Variants in DOT1L observed in about 807,000 individuals in gnomAD.
The protein encoded by DOT1L is DOT1 like histone lysine methyltransferase, also known as histone-lysine N-methyltransferase, H3 lysine-79 specific.
Under a neutral mutation model 153.3 loss-of-function variants are expected in DOT1L, and 33 were observed. The ratio of observed to expected loss-of-function variants is 0.22; its 90% CI spans 0.16 to 0.29. The LOEUF (loss-of-function observed/expected upper bound fraction) is 0.29, where lower values mean the gene tolerates loss of function less well. DOT1L is among the 10% of genes least tolerant of loss of function. The pLI is 1.00. For missense variants in DOT1L, 1,847 were observed against 2,119.9 expected (o/e 0.87, Z 2.53); for synonymous variants, 1,135 against 965.1 (o/e 1.18, Z -3.26).
rs557721171 is a variant in DOT1L, at chr19:2,176,091, C to T, written c.82-4622C>T. On this transcript the variant is annotated intron_variant, in intron 1 of 27. Transcript: ENST00000398665. ...CGCCTCTTGGCCGAGGCTGCTTTTA[C>T]TAGACATCCACTCTCAGTTGGGGGT... Among the ~76,000 whole-genome samples the T allele has an allele frequency of 2.0e-3, 300 of 152,318 alleles. 1 individual carries two copies. Among genetic ancestry groups the T allele is most frequent in the Non-Finnish European group, 3.7e-3 (252 of 68,028 alleles).
In DOT1L at chr19:2,187,779, G is replaced by A. The variant is rs186216076; in HGVS notation, c.200+1850G>A. Among the ~76,000 whole-genome samples, 59 of 152,250 alleles carry A rather than the reference G, an allele frequency of 3.9e-4. No individual in the cohort carries two copies. In the East Asian group the frequency reaches 7.5e-3, roughly 19 times the overall value. On this transcript the variant is annotated intron_variant, in intron 3 of 27. Transcript: ENST00000398665. ...CTACTAAAAATACAAAAAATTAGCC[G>A]GGCGTGGTGGCGGGTGCCTGTAGTC...
chr19:2,181,741 C>T (rs983246993), intron 2 of DOT1L, among the ~76,000 whole-genome samples: 4 of 151,996 alleles, frequency 2.6e-5, no homozygotes, highest in African/African-American at 9.7e-5. Context: ...GCAGCTGGAC[C>T]CCAGCCCAGC....
intron 2 of DOT1L, 101 bp from the exon 3 acceptor site, chr19:2,185,754 G>T: frequency 7.8e-7 from 1 of 1,275,196 alleles, no homozygotes; most frequent in African/African-American, 1.5e-5. Context: ...GGGCAACAGA[G>T]TGAGACTCCG....
At position 2,231,522 on chromosome 19, in the gene DOT1L, C is replaced by T. The variant is rs547287893; in HGVS notation, c.*1730C>T. ...CCCCCAACAACCTCTCAGACCCCCA[C>T]CCTCCAACATAGCTGAGTTCTGAAG... On this transcript the variant is annotated 3_prime_UTR_variant, in exon 28 of 28. Transcript: ENST00000398665. The T allele has an allele frequency of 1.5e-5, 3 of 201,222 alleles. No individual in the cohort carries two copies. Among genetic ancestry groups the T allele is most frequent in the Admixed American group, 6.0e-5 (1 of 16,584 alleles). 12.5% of individuals were successfully genotyped at this position (201,222 alleles called of 1,614,324 possible).
Position 2,226,746 on chromosome 19 carries a change from A to G in DOT1L, c.4225A>G (p.Lys1409Glu). 1.3e-6 allele frequency: 2 copies of G among 1,556,674 alleles called. No homozygotes were observed. The highest frequency in any genetic ancestry group is 1.2e-5 in the South Asian group (1 of 83,178). The change falls in exon 27 of 28, where the codon AAG becomes GAG. Residue 1409 changes from lysine to glutamate, a missense_variant. By Grantham distance (56) the Lys-to-Glu change is moderately conservative (BLOSUM62 1). Transcript: ENST00000398665. ...GGACAAGACCCCACTGCTGAGCGGCAAGGCCGCCAAGGCCCGGGACCGCGA... is the reference window on the plus strand; with the variant it reads ...GGACAAGACCCCACTGCTGAGCGGCGAGGCCGCCAAGGCCCGGGACCGCGA... ...PTDKTPLLSG[K>E]AAKARDREVD...
Position 2,225,514 on chromosome 19 carries a change from G to C in DOT1L, c.3661+62G>C. 3 of 1,563,672 alleles carry C rather than the reference G, an allele frequency of 1.9e-6. No homozygotes were observed. In the East Asian group the frequency reaches 6.7e-5, roughly 35 times the overall value. ...TCCGTGTGGCCGTGGTGCCCAGTCA[G>C]TGCTGCTGACCCACCTGCTGGCCCG... On this transcript the variant is annotated intron_variant, in intron 26 of 27. Coordinates refer to ENST00000398665, the MANE Select transcript of DOT1L (RefSeq NM_032482.3).
intron 1 of DOT1L, 26 bp from the exon 2 acceptor site, chr19:2,180,687 G>A (rs371819117): frequency 1.6e-5 from 26 of 1,613,642 alleles, no homozygotes; most frequent in African/African-American, 5.3e-5. Context: ...ATGGCTCTGC[G>A]TCTCAAACTT....
chr19:2,182,318 G>A (rs1397753772), intron 2 of DOT1L, among the ~76,000 whole-genome samples: 1 of 152,142 alleles, frequency 6.6e-6, no homozygotes, highest in Non-Finnish European at 1.5e-5. Context: ...TGGGAGGGTT[G>A]ATCACTTGAA....
Position 2,193,814 on chromosome 19 carries a change from G to A in DOT1L, c.588+31G>A. 6.2e-7 allele frequency: 1 copy of A among 1,605,654 alleles called. No homozygotes were observed. The highest frequency in any genetic ancestry group is 1.1e-5 in the South Asian group (1 of 90,790). Reference sequence around the variant, plus strand: ...CGGATCTGAGGGCCAGGGTGTGTTGGAGGCAGGGGACCATCAGAGAAAGTG... The same window carrying A: ...CGGATCTGAGGGCCAGGGTGTGTTGAAGGCAGGGGACCATCAGAGAAAGTG... On this transcript the variant is annotated intron_variant, in intron 6 of 27. Coordinates refer to ENST00000398665, the MANE Select transcript of DOT1L (RefSeq NM_032482.3). This position sits in a 1 kb window ranked among gnomAD's most constrained non-coding sequence, Gnocchi z 5.9.
chr19:2,230,695 G>A lies in DOT1L; in HGVS notation c.*903G>A, dbSNP rs555421598. On this transcript the variant is annotated 3_prime_UTR_variant, in exon 28 of 28. Transcript: ENST00000398665. Reference sequence around the variant, plus strand: ...ATTTATAAATTTCATAGATTTGACAGCTTTTATTTTTAGATGGTATAATGC... The same window carrying A: ...ATTTATAAATTTCATAGATTTGACAACTTTTATTTTTAGATGGTATAATGC... 6 of 397,946 alleles carry A rather than the reference G, an allele frequency of 1.5e-5. No homozygotes were observed. The highest frequency in any genetic ancestry group is 3.6e-5 in the East Asian group (1 of 28,082). The allele number at this position is 397,946 out of a possible 1,614,324, so 24.7% of individuals were successfully genotyped here.
chr19:2,168,408 A>T (rs1263990295), intron 1 of DOT1L, among the ~76,000 whole-genome samples: 1 of 152,202 alleles, frequency 6.6e-6, no homozygotes, highest in African/African-American at 2.4e-5. Flanking sequence ...AGGGGCTGCC[A>T]CTTCTGCCCT....
chr19:2,228,028 C>T lies in DOT1L; in HGVS notation c.4606+901C>T, dbSNP rs756661641. The T allele has an allele frequency of 1.1e-5, 14 of 1,300,366 alleles. No homozygotes were observed. The Admixed American group carries it at 2.3e-4, about 21-fold the overall frequency. The allele number at this position is 1,300,366 out of a possible 1,614,324, so 80.6% of individuals were successfully genotyped here. ...AACGCCGCCTTGCCTCCTCCCCCAA[C>T]GCTGCTGGCCTCTAACCCTGAGCCC... On this transcript the variant is annotated intron_variant, in intron 27 of 27. Transcript: ENST00000398665.
In DOT1L at chr19:2,227,027, G is replaced by A. The variant is rs766496544; in HGVS notation, c.4506G>A (p.Pro1502=). Residue 1502 remains proline, a synonymous_variant, in exon 27 of 28, where the codon CCG becomes CCA. Coordinates refer to ENST00000398665, the MANE Select transcript of DOT1L (RefSeq NM_032482.3). ...SVLQSLFSSV[P]AAAGLVHVSS... is the part of the protein sequence containing the mutation. ...TGCAGTCGCTGTTCAGCTCTGTGCC[G>A]GCCGCCGCAGGCCTGGTGCACGTGT... 10 of 1,582,338 alleles carry A rather than the reference G, an allele frequency of 6.3e-6. No homozygotes were observed. The highest frequency in any genetic ancestry group is 2.3e-5 in the East Asian group (1 of 44,048).
At chr19:2,195,892 T>C (rs538768285) in intron 7 of DOT1L, among the ~76,000 whole-genome samples, 8 of 152,332 alleles carry the variant, frequency 5.3e-5, no homozygotes, top group Admixed American at 3.3e-4. Flanking sequence ...TTCAGAGGGA[T>C]GCATGAGGGA....
intron 1 of DOT1L, among the ~76,000 whole-genome samples, chr19:2,168,643 C>CT (rs1433704183): frequency 2.0e-5 from 3 of 152,178 alleles, no homozygotes; most frequent in Non-Finnish European, 4.4e-5. Context: ...GAGAGGGAAT[C>CT]TCGTACTGTT....
Position 2,229,991 on chromosome 19 carries a change from A to G in DOT1L, c.*199A>G, listed in dbSNP as rs1170412875. ...TTTGTACTGTCGATAGTTTTAGATA[A>G]AGTATTTATCATTTTTTAAAAAGTA... On this transcript the variant is annotated 3_prime_UTR_variant, in exon 28 of 28. Coordinates refer to ENST00000398665, the MANE Select transcript of DOT1L (RefSeq NM_032482.3). 6.4e-6 allele frequency: 5 copies of G among 777,400 alleles called. No individual in the cohort carries two copies. Among genetic ancestry groups the G allele is most frequent in the Non-Finnish European group, 1.0e-5 (5 of 497,198 alleles). 48.2% of individuals were successfully genotyped at this position (777,400 alleles called of 1,614,324 possible). A position where few individuals can be genotyped will look rare whatever the true frequency, so the allele number is the denominator to read the frequency against.
At chr19:2,221,859 C>T in intron 23 of DOT1L, 117 bp from the exon 24 acceptor site, 2 of 1,093,828 alleles carry the variant, frequency 1.8e-6, no homozygotes, top group Non-Finnish European at 2.5e-6. Context: ...CCAACCCCTT[C>T]CCCACTTCCC....
rs2024054077 is a variant in DOT1L at position 2,220,057 on chromosome 19, G to T, written c.2692-51G>T. 7.2e-6 allele frequency: 11 copies of T among 1,526,462 alleles called. No individual in the cohort carries two copies. The East Asian group carries it at 2.5e-4, about 35-fold the overall frequency. The allele number at this position is 1,526,462 out of a possible 1,614,324, so 94.6% of individuals were successfully genotyped here. ...ACTCACTGTTTCCAGCTGGGTTCTGGGTCTCCTGGGGCACCTGCTGCCCCT... is the reference window on the plus strand; with the variant it reads ...ACTCACTGTTTCCAGCTGGGTTCTGTGTCTCCTGGGGCACCTGCTGCCCCT... On this transcript the variant is annotated intron_variant, in intron 22 of 27. Transcript: ENST00000398665. This position sits in a 1 kb window ranked among gnomAD's most constrained non-coding sequence, Gnocchi z 4.5.
rs1405808692 is a variant in DOT1L, at chr19:2,193,401, A to G, written c.494-288A>G. ...AGCCCTGTCTGTCTGAACAGTGAAC[A>G]TCACATAGGGCCCTGAGACTCAAAA... On this transcript the variant is annotated intron_variant, in intron 5 of 27. Coordinates refer to ENST00000398665, the MANE Select transcript of DOT1L (RefSeq NM_032482.3). This position sits in a 1 kb window ranked among gnomAD's most constrained non-coding sequence, Gnocchi z 5.9. Among the ~76,000 whole-genome samples the G allele has an allele frequency of 1.3e-5, 2 of 152,222 alleles. No homozygotes were observed. Among genetic ancestry groups the G allele is most frequent in the Non-Finnish European group, 2.9e-5 (2 of 68,040 alleles).
Sources: gnomAD v4.1 joint callset for allele counts (sites outside exome capture counted in the v4.1 genomes callset) on GRCh38, gnomAD v4.1.1 for gene constraint, Gnocchi (gnomAD v3.1) non-coding constraint, MANE v1.5 for transcripts, NCBI Gene and HGNC (gene_info 2026-07-23, HGNC 2026-07-21) for gene names.